TRAP1: variants seen among roughly 807,000 people sequenced by gnomAD.
The protein encoded by TRAP1 is heat shock protein 75 kDa, mitochondrial.
In TRAP1, 102 loss-of-function variants were observed where a neutral mutation model predicts 89.1. The observed-to-expected ratio is 1.15, with a 90% CI of 0.98 to 1.35. The LOEUF (loss-of-function observed/expected upper bound fraction) is 1.35. Ranked by LOEUF, TRAP1 falls within the 40% of genes most tolerant of loss-of-function variation. The probability of loss-of-function intolerance (pLI) is 0.00; values close to 1 mark genes in which losing one functional copy is unlikely to be tolerated. For synonymous variants in TRAP1, 508 were observed against 388.0 expected (o/e 1.31, Z -3.64); for missense variants, 1,256 against 945.3 (o/e 1.33, Z -4.31).
At chr16:3,669,853 A>AG (rs1232374514) in intron 11 of TRAP1, among the ~76,000 whole-genome samples, 2 of 101,392 alleles carry the variant, frequency 2.0e-5, no homozygotes, top group Non-Finnish European at 3.7e-5. Context: ...AAAAAAAAAA[A>AG]AAAAAAAGAT....
chr16:3,680,401 A>G (rs986379507), intron 4 of TRAP1, among the ~76,000 whole-genome samples: 1 of 152,226 alleles, frequency 6.6e-6, no homozygotes, highest in African/African-American at 2.4e-5. Flanking sequence ...CCCACCATCA[A>G]GATGTGGCCC....
intron 1 of TRAP1, among the ~76,000 whole-genome samples, chr16:3,716,895 C>T (rs780968878): frequency 3.3e-5 from 5 of 152,226 alleles, no homozygotes; most frequent in Non-Finnish European, 7.3e-5. Flanking sequence ...CTGTGGCGTC[C>T]CCAGAACCTG....
chr16:3,714,262 C>A (rs43223), intron 1 of TRAP1, among the ~76,000 whole-genome samples: 91,441 of 152,040 alleles, frequency 0.6, 27,908 homozygotes, highest in East Asian at 0.87. Context: ...TTTTCTTTGA[C>A]GACTCGGGGG....
intron 1 of TRAP1, among the ~76,000 whole-genome samples, chr16:3,697,381 G>T (rs1162610035): frequency 6.6e-6 from 1 of 151,964 alleles, no homozygotes; most frequent in East Asian, 1.9e-4. Flanking sequence ...AAGGAAATTA[G>T]TCGCCAGGAG....
chr16:3,697,148 G>C (rs1248079895), intron 1 of TRAP1, among the ~76,000 whole-genome samples: 2 of 152,160 alleles, frequency 1.3e-5, no homozygotes, highest in Admixed American at 6.5e-5. Flanking sequence ...TGCCAAGTCA[G>C]TGTTGAGATG....
At chr16:3,692,327 G>C (rs894364883) in intron 1 of TRAP1, among the ~76,000 whole-genome samples, 2 of 152,090 alleles carry the variant, frequency 1.3e-5, no homozygotes, top group African/African-American at 4.8e-5. Context: ...CATGAGGTCA[G>C]GAGTTCGAGA....
chr16:3,697,035 G>C (rs1268350912), intron 1 of TRAP1, among the ~76,000 whole-genome samples: 1 of 152,128 alleles, frequency 6.6e-6, no homozygotes, highest in Non-Finnish European at 1.5e-5. Context: ...CTAAGGTTAT[G>C]TATTTGAAGC....
intron 11 of TRAP1, among the ~76,000 whole-genome samples, chr16:3,671,161 C>T (rs1302657785): frequency 6.6e-6 from 1 of 152,154 alleles, no homozygotes; most frequent in Non-Finnish European, 1.5e-5. Flanking sequence ...ACCCCACAGG[C>T]TCCCTCTGAA....
intron 1 of TRAP1, among the ~76,000 whole-genome samples, chr16:3,699,903 G>A (rs2051342683): frequency 6.6e-6 from 1 of 151,086 alleles, no homozygotes; most frequent in African/African-American, 2.4e-5. Flanking sequence ...TTAAGCTCCT[G>A]GTCTCAAGCA....
intron 11 of TRAP1, among the ~76,000 whole-genome samples, chr16:3,668,911 G>A (rs1457459101): frequency 6.6e-6 from 1 of 152,216 alleles, no homozygotes; most frequent in African/African-American, 2.4e-5. Flanking sequence ...GGAGAGGAAC[G>A]CAGCCGCCTC....
At position 3,663,484 on chromosome 16, in the gene TRAP1, C is replaced by A. The variant is rs758474019; in HGVS notation, c.1648G>T (p.Val550Leu). The part of the protein sequence containing the change: ...REFDKKKLIS[V>L]ETDIVVDHYK... ...TGATCCACGACTATGTCCGTCTCCACAGAGATCAGCTTCTTCTTGTCAAAC... is the reference window on the plus strand; with the variant it reads ...TGATCCACGACTATGTCCGTCTCCAAAGAGATCAGCTTCTTCTTGTCAAAC... Residue 550 changes from valine to leucine, a missense_variant, in exon 14 of 18, where the codon GTG becomes TTG. Physicochemically the swap from Val to Leu is conservative, Grantham distance 32 (BLOSUM62 1). Coordinates refer to ENST00000246957, the MANE Select transcript of TRAP1 (RefSeq NM_016292.3). 1 of 1,614,196 alleles carries A rather than the reference C, an allele frequency of 6.2e-7. No homozygotes were observed. Among genetic ancestry groups the A allele is most frequent in the Non-Finnish European group, 8.5e-7 (1 of 1,180,038 alleles).
chr16:3,694,000 CAA>C (rs36111419), intron 1 of TRAP1, among the ~76,000 whole-genome samples: 96,480 of 132,542 alleles, frequency 0.73, 34,354 homozygotes, highest in East Asian at 0.86. Context: ...GACTCTGTCT[CAA>C]AAAAAAAAAA....
intron 12 of TRAP1, chr16:3,664,823 C>A (rs573471636): frequency 4.6e-5 from 10 of 217,392 alleles, no homozygotes; most frequent in Non-Finnish European, 7.3e-5. Context: ...CACACGGACA[C>A]GGGTGAAGTC....
In TRAP1 at chr16:3,658,152, C is replaced by A; in HGVS notation, c.2092G>T (p.Val698Phe). The change falls in exon 18 of 18, where the codon GTC becomes TTC. Residue 698 changes from valine to phenylalanine, a missense_variant. By Grantham distance (50) the Val-to-Phe change is conservative. Transcript: ENST00000246957. Reference protein sequence around the residue: ...AMVGRLNELLVKALERH With the variant: ...AMVGRLNELLFKALERH Reference sequence around the variant, plus strand: ...TGTCAGTGTCGCTCCAGGGCCTTGACAAGCAGCTCATTCAAGCGGCCCACC... The same window carrying A: ...TGTCAGTGTCGCTCCAGGGCCTTGAAAAGCAGCTCATTCAAGCGGCCCACC... 6.2e-7 allele frequency: 1 copy of A among 1,614,106 alleles called. No individual in the cohort carries two copies. The highest frequency in any genetic ancestry group is 8.5e-7 in the Non-Finnish European group (1 of 1,180,014).
At chr16:3,692,535 CAAA>C (rs1210401150) in intron 1 of TRAP1, among the ~76,000 whole-genome samples, 1 of 68,238 alleles carries the variant, frequency 1.5e-5, no homozygotes. Context: ...CATTCTGTCT[CAAA>C]AAAAAAAAAA....
chr16:3,710,744 A>G (rs2051517283), intron 1 of TRAP1, among the ~76,000 whole-genome samples: 1 of 152,026 alleles, frequency 6.6e-6, no homozygotes, highest in Non-Finnish European at 1.5e-5. Context: ...GTTACATTAG[A>G]AGGACCCACG....
In TRAP1 at chr16:3,662,097, G is replaced by C. The variant is rs761454023; in HGVS notation, c.1830C>G (p.Val610=). The change falls in exon 16 of 18, where the codon GTC becomes GTG. Residue 610 remains valine (V), a synonymous_variant. Transcript: ENST00000246957. ...GGGCAGCCCCCATCTCCAGCACGGT[G>C]ACCATGGCAGGGTGGGTGTCCAGTC... ...TLRLDTHPAM[V]TVLEMGAARH... 1 of 1,613,246 alleles carries C rather than the reference G, an allele frequency of 6.2e-7. No individual in the cohort carries two copies. The highest frequency in any genetic ancestry group is 8.5e-7 in the Non-Finnish European group (1 of 1,179,858).
intron 1 of TRAP1, among the ~76,000 whole-genome samples, chr16:3,708,002 T>C (rs527242011): frequency 2.0e-5 from 3 of 151,988 alleles, no homozygotes; most frequent in African/African-American, 7.2e-5. Flanking sequence ...CGGGGCAATA[T>C]AGTGGGACCC....
At position 3,661,646 on chromosome 16, in the gene TRAP1, G is replaced by C. The variant is rs141222608; in HGVS notation, c.1940+341C>G. ...AACCCTCATGCCAAGTGAGCAACGT[G>C]AGACTTCAGCAAACACCAAGATCCA... On this transcript the variant is annotated intron_variant, in intron 16 of 17. Coordinates refer to ENST00000246957, the MANE Select transcript of TRAP1 (RefSeq NM_016292.3). 254 of 257,708 alleles carry C rather than the reference G, an allele frequency of 9.9e-4. 3 individuals are homozygous for C. The highest frequency in any genetic ancestry group is 5.3e-3 in the African/African-American group (240 of 45,442). The allele number at this position is 257,708 out of a possible 1,614,324, so 16.0% of individuals were successfully genotyped here. A position where few individuals can be genotyped will look rare whatever the true frequency, so the allele number is the denominator to read the frequency against.
Sources: gnomAD v4.1 joint callset for allele counts (sites outside exome capture counted in the v4.1 genomes callset) on GRCh38, gnomAD v4.1.1 for gene constraint, MANE v1.5 for transcripts, NCBI Gene and HGNC (gene_info 2026-07-23, HGNC 2026-07-21) for gene names.